SLC4A5: variants seen among roughly 807,000 people sequenced by gnomAD.
The protein encoded by SLC4A5 is solute carrier family 4 member 5, also known as electrogenic sodium bicarbonate cotransporter 4.
In SLC4A5, 96 loss-of-function variants were observed where a neutral mutation model predicts 120.4. That is an observed-to-expected ratio of 0.80 (90% CI 0.68 to 0.94). SLC4A5 has a LOEUF of 0.94. Ranked by LOEUF, SLC4A5 falls within the 40% of genes least tolerant of loss-of-function variation. The pLI, the probability that SLC4A5 is intolerant of heterozygous loss-of-function variation, is 0.00. For missense variants in SLC4A5, 1,259 were observed against 1,459.5 expected, an observed-to-expected ratio of 0.86 and a Z score of 2.24; for synonymous variants, 550 against 571.1, an observed-to-expected ratio of 0.96 and a Z score of 0.53.
chr2:74,295,942 T>TG (rs1391392216), intron 7 of SLC4A5, among the ~76,000 whole-genome samples: 1 of 152,208 alleles, frequency 6.6e-6, no homozygotes, highest in African/African-American at 2.4e-5. Flanking sequence ...AGCAAAGGTG[T>TG]GGGCCTATTC....
chr2:74,227,209 C>T, intron 26 of SLC4A5, 79 bp from the exon 27 acceptor site: 1 of 1,464,966 alleles, frequency 6.8e-7, no homozygotes, highest in Non-Finnish European at 9.2e-7. Context: ...GAAGGGGTGC[C>T]TGGGTGGGGT....
intron 12 of SLC4A5, among the ~76,000 whole-genome samples, chr2:74,258,819 G>A (rs1346130946): frequency 6.6e-6 from 1 of 152,214 alleles, no homozygotes; most frequent in Non-Finnish European, 1.5e-5. Context: ...ACACTGACAT[G>A]AGGGGCTGAC....
chr2:74,321,406 T>C (rs1386282533), intron 5 of SLC4A5, among the ~76,000 whole-genome samples: 7 of 152,188 alleles, frequency 4.6e-5, no homozygotes. Flanking sequence ...TCTTCTTCCT[T>C]CCTGGATAGA....
chr2:74,253,743 GAACT>G (rs1220018150), intron 14 of SLC4A5, among the ~76,000 whole-genome samples: 1 of 152,100 alleles, frequency 6.6e-6, no homozygotes, highest in Non-Finnish European at 1.5e-5. Context: ...TTTCTAAAAA[GAACT>G]AACATTGGAA....
At chr2:74,216,818 AG>A (rs1694458880) in exon 31 of SLC4A5, 1 of 152,232 alleles carries the variant, frequency 6.6e-6, no homozygotes, top group Non-Finnish European at 1.5e-5. Flanking sequence ...TATGTTGCCC[AG>A]GCTGGTCTTG....
chr2:74,301,203 T>C (rs1279055597), intron 7 of SLC4A5, among the ~76,000 whole-genome samples: 1 of 152,224 alleles, frequency 6.6e-6, no homozygotes, highest in African/African-American at 2.4e-5. Context: ...TTTATAGTTA[T>C]GATTATTAAT....
intron 18 of SLC4A5, 58 bp from the exon 19 acceptor site, chr2:74,247,365 C>G: frequency 6.5e-7 from 1 of 1,546,010 alleles, no homozygotes; most frequent in Non-Finnish European, 8.7e-7. Context: ...CTGTGCTTGA[C>G]TCCTCAGACT....
intron 5 of SLC4A5, among the ~76,000 whole-genome samples, chr2:74,319,117 A>G (rs1306737159): frequency 6.6e-6 from 1 of 152,214 alleles, no homozygotes; most frequent in Admixed American, 6.5e-5. Context: ...AGAAACAGAA[A>G]GACAAATTCT....
At chr2:74,302,478 G>C (rs1291503309) in intron 7 of SLC4A5, among the ~76,000 whole-genome samples, 2 of 152,124 alleles carry the variant, frequency 1.3e-5, no homozygotes, top group African/African-American at 2.4e-5. Flanking sequence ...TTAGCTGGGC[G>C]TGGTGGTACG....
At chr2:74,253,986 A>G (rs1670876030) in intron 14 of SLC4A5, among the ~76,000 whole-genome samples, 1 of 152,240 alleles carries the variant, frequency 6.6e-6, no homozygotes, top group Non-Finnish European at 1.5e-5. Flanking sequence ...AAGTCAACAT[A>G]TAAGAGCAAT....
intron 30 of SLC4A5, among the ~76,000 whole-genome samples, chr2:74,219,683 C>T (rs755932109): frequency 2.6e-5 from 4 of 152,192 alleles, no homozygotes; most frequent in Non-Finnish European, 5.9e-5. Flanking sequence ...CAAATTTTCT[C>T]TCTACTGCCT....
At chr2:74,300,097 G>A (rs1168317210) in intron 7 of SLC4A5, among the ~76,000 whole-genome samples, 3 of 152,232 alleles carry the variant, frequency 2.0e-5, no homozygotes, top group African/African-American at 7.2e-5. Context: ...GGGAGGGCAT[G>A]ACGCTAAGTG....
In SLC4A5 at chr2:74,224,947, G is replaced by A; in HGVS notation, c.3139C>T (p.Gln1047Ter). The A allele has an allele frequency of 1.2e-6, 2 of 1,614,130 alleles. No individual in the cohort carries two copies. The highest frequency in any genetic ancestry group is 1.7e-6 in the Non-Finnish European group (2 of 1,180,020). ...TTGTCAATCCAGGCCAGGTCGTGCTGGGAAAAGATGAAATCCAGAAGCCTT... is the reference window on the plus strand; with the variant it reads ...TTGTCAATCCAGGCCAGGTCGTGCTAGGAAAAGATGAAATCCAGAAGCCTT... The change falls in exon 28 of 31, where the codon CAG becomes TAG. Residue 1047 changes from glutamine to a stop codon, truncating the protein, a stop_gained. Transcript: ENST00000394019. LOFTEE classifies it high-confidence loss of function.
At chr2:74,240,270 C>T (rs1247074331) in intron 20 of SLC4A5, among the ~76,000 whole-genome samples, 2 of 152,206 alleles carry the variant, frequency 1.3e-5, no homozygotes, top group Middle Eastern at 3.4e-3. Context: ...AAGACCAGAT[C>T]GCATTCTACT....
intron 12 of SLC4A5, among the ~76,000 whole-genome samples, chr2:74,258,642 G>A (rs1184087943): frequency 6.6e-6 from 1 of 152,188 alleles, no homozygotes; most frequent in Non-Finnish European, 1.5e-5. Context: ...ACTTTGGTGT[G>A]TTATTTAACT....
At chr2:74,273,797 T>G (rs1671549738) in intron 8 of SLC4A5, among the ~76,000 whole-genome samples, 2 of 152,240 alleles carry the variant, frequency 1.3e-5, no homozygotes, top group Non-Finnish European at 1.5e-5. Flanking sequence ...TGAGGAATCA[T>G]CAGATACTCC....
chr2:74,335,216 A>C (rs1168887168), intron 3 of SLC4A5, among the ~76,000 whole-genome samples: 1 of 152,240 alleles, frequency 6.6e-6, no homozygotes, highest in Non-Finnish European at 1.5e-5. Context: ...TCACATGATG[A>C]AGAATGAGAC....
intron 3 of SLC4A5, among the ~76,000 whole-genome samples, chr2:74,336,440 G>C (rs1436346899): frequency 6.6e-6 from 1 of 152,138 alleles, no homozygotes; most frequent in Admixed American, 6.5e-5. Flanking sequence ...ATGACTTTGG[G>C]CAAGTTACAA....
intron 24 of SLC4A5, 23 bp downstream of exon 24, chr2:74,232,446 C>A (rs754439645): frequency 6.2e-7 from 1 of 1,610,476 alleles, no homozygotes; most frequent in African/African-American, 1.3e-5. Context: ...ATTGGGTGAT[C>A]CCTAGGCCCT....
Sources: allele counts gnomAD v4.1 joint callset (sites outside exome capture counted in the v4.1 genomes callset), GRCh38; gene constraint gnomAD v4.1.1; transcripts MANE v1.5; gene names NCBI Gene and HGNC (gene_info 2026-07-23, HGNC 2026-07-21).